The following SHISA9 variants were observed in gnomAD, a reference collection of about 807,000 sequenced individuals.
SHISA9 encodes shisa family member 9, also known as protein shisa-9.
A neutral mutation model predicts 38.0 loss-of-function variants in SHISA9; 13 were observed. The ratio of observed to expected loss-of-function variants is 0.34; its 90% confidence interval spans 0.22 to 0.54. SHISA9 has a LOEUF of 0.54. SHISA9 is among the 20% of genes least tolerant of loss of function. SHISA9 has a pLI of 0.91. For missense variants in SHISA9, 538 were observed against 575.8 expected (o/e 0.93, Z 0.67); for synonymous variants, 275 against 242.0 (o/e 1.14, Z -1.27).
chr16:13,526,527 G>T, the SHISA9 span, among the ~76,000 whole-genome samples: 1 of 152,062 alleles, frequency 6.6e-6, no homozygotes, highest in Non-Finnish European at 1.5e-5. Flanking sequence ...GGGATTACAG[G>T]TGTGCACCAC....
chr16:13,491,388 T>G, the SHISA9 span, among the ~76,000 whole-genome samples: 2 of 152,040 alleles, frequency 1.3e-5, no homozygotes, highest in South Asian at 4.2e-4. Flanking sequence ...GAGCCTTTTT[T>G]TTTTTTTTTT....
At chr16:13,514,792 T>C in the SHISA9 span, among the ~76,000 whole-genome samples, 2 of 152,052 alleles carry the variant, frequency 1.3e-5, no homozygotes, top group African/African-American at 4.8e-5. Context: ...TATAAACCCA[T>C]TGATCCAAGA....
intron 2 of SHISA9, among the ~76,000 whole-genome samples, chr16:13,171,415 G>A (rs546165156): frequency 6.6e-6 from 1 of 151,990 alleles, no homozygotes; most frequent in South Asian, 2.1e-4. Flanking sequence ...TTGCAAATGG[G>A]GTAGATGTCA....
At chr16:13,069,123 G>A (rs2073474739) in intron 2 of SHISA9, among the ~76,000 whole-genome samples, 1 of 151,812 alleles carries the variant, frequency 6.6e-6, no homozygotes, top group Non-Finnish European at 1.5e-5. Flanking sequence ...CATGCAATGT[G>A]TATATGCACA....
chr16:13,051,175 G>A (rs1326453621), intron 2 of SHISA9, among the ~76,000 whole-genome samples: 1 of 152,214 alleles, frequency 6.6e-6, no homozygotes, highest in African/African-American at 2.4e-5. Context: ...AGGTTGAATG[G>A]ACTCACAGTT....
the SHISA9 span, among the ~76,000 whole-genome samples, chr16:13,553,368 G>T: frequency 6.6e-6 from 1 of 151,994 alleles, no homozygotes; most frequent in East Asian, 1.9e-4. Flanking sequence ...CTCATTCTAC[G>T]CTAGGCACTG....
At chr16:13,434,100 G>A in the SHISA9 span, among the ~76,000 whole-genome samples, 1 of 152,160 alleles carries the variant, frequency 6.6e-6, no homozygotes, top group Non-Finnish European at 1.5e-5. Context: ...AGATCCAAGA[G>A]TCCCAAAGCT....
intron 3 of SHISA9, among the ~76,000 whole-genome samples, chr16:13,209,095 T>C (rs1305951947): frequency 1.3e-5 from 2 of 152,182 alleles, no homozygotes; most frequent in Admixed American, 1.3e-4. Flanking sequence ...GAGATAATAA[T>C]GATAACACAC....
At chr16:13,152,280 C>T (rs1358506596) in intron 2 of SHISA9, among the ~76,000 whole-genome samples, 2 of 152,074 alleles carry the variant, frequency 1.3e-5, no homozygotes, top group Non-Finnish European at 2.9e-5. Context: ...CCATACAAGT[C>T]AGGAGAGGTT....
chr16:13,469,410 AAAGAAAGAAAGAAAAAGAAAGAAAG>A, the SHISA9 span, among the ~76,000 whole-genome samples: 85 of 128,052 alleles, frequency 6.6e-4, 2 homozygotes, highest in African/African-American at 2.6e-3. Context: ...AGAAAGAAAG[AAAGAAAGAAAGAAAAAGAAAGAAAG>A]AGAAAGAAAG....
At chr16:13,423,448 A>G in the SHISA9 span, among the ~76,000 whole-genome samples, 3 of 152,226 alleles carry the variant, frequency 2.0e-5, no homozygotes, top group Admixed American at 6.5e-5. Flanking sequence ...TTCATTTTAT[A>G]ACCTCTGTAC....
chr16:13,065,229 C>A (rs2073420947), intron 2 of SHISA9, among the ~76,000 whole-genome samples: 1 of 152,188 alleles, frequency 6.6e-6, no homozygotes, highest in Non-Finnish European at 1.5e-5. Flanking sequence ...TTTATTGCCA[C>A]TGACCTTCTT....
At chr16:13,078,975 G>A (rs542212904) in intron 2 of SHISA9, among the ~76,000 whole-genome samples, 2 of 152,254 alleles carry the variant, frequency 1.3e-5, no homozygotes, top group South Asian at 2.1e-4. Flanking sequence ...ATAAGAGCTG[G>A]GACTATGCAG....
At chr16:12,907,901 C>A (rs1340823866) in intron 1 of SHISA9, among the ~76,000 whole-genome samples, 1 of 152,176 alleles carries the variant, frequency 6.6e-6, no homozygotes, top group Non-Finnish European at 1.5e-5. Flanking sequence ...GTCACCACCT[C>A]CACCCAATTC....
the SHISA9 span, among the ~76,000 whole-genome samples, chr16:13,503,725 A>G: frequency 6.6e-5 from 10 of 152,146 alleles, no homozygotes; most frequent in Non-Finnish European, 2.9e-5. Context: ...AACCCACCAC[A>G]GATTCATCCT....
chr16:13,188,150 C>A (rs1029030146), intron 2 of SHISA9, among the ~76,000 whole-genome samples: 1 of 152,184 alleles, frequency 6.6e-6, no homozygotes, highest in Admixed American at 6.5e-5. Flanking sequence ...AAAACACTTA[C>A]CCACTGCACA....
intron 2 of SHISA9, among the ~76,000 whole-genome samples, chr16:12,956,140 G>A (rs2071831410): frequency 6.6e-6 from 1 of 152,080 alleles, no homozygotes; most frequent in Admixed American, 6.6e-5. Flanking sequence ...TAGCCAATAA[G>A]CACTAATCAT....
chr16:13,020,484 GT>G (rs1186318090), intron 2 of SHISA9, among the ~76,000 whole-genome samples: 1 of 152,128 alleles, frequency 6.6e-6, no homozygotes, highest in Non-Finnish European at 1.5e-5. Context: ...TCCTGTGTTA[GT>G]TTGCTAAAGA....
the SHISA9 span, among the ~76,000 whole-genome samples, chr16:13,383,376 C>A: frequency 2.6e-5 from 4 of 152,178 alleles, no homozygotes; most frequent in Non-Finnish European, 4.4e-5. Flanking sequence ...TGAGGCAGAT[C>A]TGATATGGAA....
Sources: gnomAD v4.1 joint callset for allele counts (sites outside exome capture counted in the v4.1 genomes callset) on GRCh38, gnomAD v4.1.1 for gene constraint, MANE v1.5 for transcripts, NCBI Gene and HGNC (gene_info 2026-07-23, HGNC 2026-07-21) for gene names.